The following OR5K4 variants were observed in gnomAD, a reference collection of about 807,000 sequenced individuals.
OR5K4 encodes olfactory receptor 5K4.
OR5K4 carries 16 observed loss-of-function variants against 11.8 expected under a neutral mutation model. The observed-to-expected ratio is 1.36, with a 90% confidence interval of 0.92 to 2.06. The LOEUF (loss-of-function observed/expected upper bound fraction) is 2.06. Among genes scored for constraint, OR5K4 ranks in the 30% most tolerant of loss-of-function variants. The pLI, the probability that OR5K4 is intolerant of heterozygous loss-of-function variation, is 0.00. For missense variants in OR5K4, 442 were observed against 386.9 expected (o/e 1.14, Z -1.19); for synonymous variants, 152 against 135.1 (o/e 1.12, Z -0.87).
At position 98,354,531 on chromosome 3, in the gene OR5K4, C is replaced by A. The variant is rs1707037345; in HGVS notation, c.678C>A (p.Phe226Leu). The change falls in exon 1 of 1, where the codon TTC (phenylalanine) becomes TTA (leucine). Residue 226 changes from phenylalanine to leucine, a missense_variant. Phe to Leu is a conservative substitution (Grantham distance 22). Transcript: ENST00000354924. ...ATCTCTGCATCCTTTTGACTGTTTT[C>A]AAAATGAAATCCAAGGAGGGAAGAG... ...ISYLCILLTV[F>L]KMKSKEGRGK... The A allele has an allele frequency of 5.0e-6, 8 of 1,613,838 alleles. No homozygotes were observed. Among genetic ancestry groups the A allele is most frequent in the Non-Finnish European group, 6.8e-6 (8 of 1,179,816 alleles).
chr3:98,354,014 G>A lies in OR5K4; in HGVS notation c.161G>A (p.Arg54His), dbSNP rs201188789. 1.8e-5 allele frequency: 29 copies of A among 1,613,996 alleles called. No homozygotes were observed. Among genetic ancestry groups the A allele is most frequent in the South Asian group, 4.4e-5 (4 of 91,074 alleles). ...GLVALIYVER[R>H]LLTPMYIFLG... Reference sequence around the variant, plus strand: ...GTGGCATTAATTTATGTAGAGCGTCGTCTTCTCACACCAATGTACATCTTT... The same window carrying A: ...GTGGCATTAATTTATGTAGAGCGTCATCTTCTCACACCAATGTACATCTTT... The change falls in exon 1 of 1, where the codon CGT becomes CAT. Residue 54 changes from arginine to histidine, a missense_variant. Physicochemically the swap from Arg to His is conservative, Grantham distance 29. Coordinates refer to ENST00000354924, the MANE Select transcript of OR5K4 (RefSeq NM_001005517.1).
rs768754634 is a variant in OR5K4 at position 98,354,642 on chromosome 3, A to G, written c.789A>G (p.Glu263=). ...TTCTCATGTATATTGGACCATCTGA[A>G]GAAGGAGATAAAGATACACCAGTGG... ...ICLLMYIGPS[E]EGDKDTPVAI... The change falls in exon 1 of 1, where the codon GAA becomes GAG. Residue 263 remains glutamate, a synonymous_variant. Transcript: ENST00000354924. 16 of 1,612,184 alleles carry G rather than the reference A, an allele frequency of 9.9e-6. No homozygotes were observed. The highest frequency in any genetic ancestry group is 1.3e-5 in the African/African-American group (1 of 74,888).
rs1024135691 is a variant in OR5K4, at chr3:98,354,218, G to T, written c.365G>T (p.Arg122Leu). ...CFLLATMAYDRYVAICHPLQY... is the reference protein window; with the variant it reads ...CFLLATMAYDLYVAICHPLQY... ...CTTCTGGCGACAATGGCCTATGACC[G>T]CTATGTGGCCATATGCCACCCACTG... Residue 122 changes from arginine (R) to leucine (L), a missense_variant, in exon 1 of 1, where the codon CGC becomes CTC. Physicochemically the swap from Arg to Leu is moderately radical, Grantham distance 102 (BLOSUM62 -2). Transcript: ENST00000354924. The T allele has an allele frequency of 6.2e-7, 1 of 1,614,162 alleles. No homozygotes were observed. Among genetic ancestry groups the T allele is most frequent in the Non-Finnish European group, 8.5e-7 (1 of 1,180,028 alleles).
chr3:98,354,683 T>C lies in OR5K4; in HGVS notation c.830T>C (p.Ile277Thr), dbSNP rs200402638. ...ACACCAGTGGCAATATTTTATGCAATAGTAATCCCATTACTAAACCCTTTT... is the reference window on the plus strand; with the variant it reads ...ACACCAGTGGCAATATTTTATGCAACAGTAATCCCATTACTAAACCCTTTT... ...KDTPVAIFYA[I>T]VIPLLNPFIY... is the part of the protein sequence containing the mutation. The change falls in exon 1 of 1, where the codon ATA (isoleucine) becomes ACA (threonine). Residue 277 changes from isoleucine (I) to threonine (T), a missense_variant. Transcript: ENST00000354924. The C allele has an allele frequency of 3.4e-4, 551 of 1,608,372 alleles. 5 individuals carry two copies. Among genetic ancestry groups the C allele is most frequent in the Non-Finnish European group, 1.5e-4 (178 of 1,175,190 alleles).
At position 98,354,173 on chromosome 3, in the gene OR5K4, C is replaced by G; in HGVS notation, c.320C>G (p.Ala107Gly). Residue 107 changes from alanine to glycine, a missense_variant, in exon 1 of 1, where the codon GCT becomes GGT. Coordinates refer to ENST00000354924, the MANE Select transcript of OR5K4 (RefSeq NM_001005517.1). ...GCACAATTTTATTTTCTCTGTCTTGCTGAAACCACAGACTGCTTTCTTCTG... is the reference window on the plus strand; with the variant it reads ...GCACAATTTTATTTTCTCTGTCTTGGTGAAACCACAGACTGCTTTCTTCTG... Reference protein sequence around the residue: ...CMAQFYFLCLAETTDCFLLAT... With the variant: ...CMAQFYFLCLGETTDCFLLAT... The G allele has an allele frequency of 6.2e-7, 1 of 1,614,226 alleles. No homozygotes were observed. The highest frequency in any genetic ancestry group is 8.5e-7 in the Non-Finnish European group (1 of 1,180,040).
Position 98,353,946 on chromosome 3 carries a change from C to T in OR5K4, c.93C>T (p.Phe31=), listed in dbSNP as rs1212274484. The part of the protein sequence containing the change: ...PELKTLLFVV[F]SAIYLVTMVG... ...TGAAGACGCTTCTGTTTGTGGTGTT[C>T]TCTGCCATCTATCTGGTCACCATGG... Residue 31 remains phenylalanine (F), a synonymous_variant, in exon 1 of 1, where the codon TTC becomes TTT. Transcript: ENST00000354924. 6.2e-7 allele frequency: 1 copy of T among 1,614,008 alleles called. No homozygotes were observed. The highest frequency in any genetic ancestry group is 1.3e-5 in the African/African-American group (1 of 74,902).
chr3:98,354,225 G>T lies in OR5K4; in HGVS notation c.372G>T (p.Val124=), dbSNP rs1351918720. Reference sequence around the variant, plus strand: ...CGACAATGGCCTATGACCGCTATGTGGCCATATGCCACCCACTGCAGTACC... The same window carrying T: ...CGACAATGGCCTATGACCGCTATGTTGCCATATGCCACCCACTGCAGTACC... ...LLATMAYDRY[V]AICHPLQYHT... Residue 124 remains valine (V), a synonymous_variant, in exon 1 of 1, where the codon GTG becomes GTT. Transcript: ENST00000354924. The T allele has an allele frequency of 6.2e-7, 1 of 1,614,160 alleles. No homozygotes were observed. Among genetic ancestry groups the T allele is most frequent in the South Asian group, 1.1e-5 (1 of 91,072 alleles).
chr3:98,354,337 C>T lies in OR5K4; in HGVS notation c.484C>T (p.Leu162Phe). The T allele has an allele frequency of 6.2e-7, 1 of 1,614,134 alleles. No individual in the cohort carries two copies. Among genetic ancestry groups the T allele is most frequent in the Non-Finnish European group, 8.5e-7 (1 of 1,180,022 alleles). The change falls in exon 1 of 1, where the codon CTT becomes TTT. Residue 162 changes from leucine (L) to phenylalanine (F), a missense_variant. Leu to Phe is a conservative substitution (Grantham distance 22). Coordinates refer to ENST00000354924, the MANE Select transcript of OR5K4 (RefSeq NM_001005517.1). ...CCTGCATTCCATGATTCATGTAGGG[C>T]TTTTATTAAGGTTAACTTTCTGCAG... The part of the protein sequence containing the change: ...GNLHSMIHVG[L>F]LLRLTFCRSN...
rs751301269 is a variant in OR5K4 at position 98,353,906 on chromosome 3, C to G, written c.53C>G (p.Thr18Arg). ...GCTGAATTCATCCTCATAGGATTTA[C>G]AAATTATCCAGAGCTGAAGACGCTT... ...LAAEFILIGFTNYPELKTLLF... is the reference protein window; with the variant it reads ...LAAEFILIGFRNYPELKTLLF... The change falls in exon 1 of 1, where the codon ACA (threonine) becomes AGA (arginine). Residue 18 changes from threonine (T) to arginine (R), a missense_variant. Transcript: ENST00000354924. The G allele has an allele frequency of 1.2e-6, 2 of 1,613,686 alleles. No individual in the cohort carries two copies. Among genetic ancestry groups the G allele is most frequent in the Non-Finnish European group, 1.7e-6 (2 of 1,179,886 alleles).
chr3:98,354,035 T>A lies in OR5K4; in HGVS notation c.182T>A (p.Ile61Asn). 1.2e-6 allele frequency: 2 copies of A among 1,614,058 alleles called. No homozygotes were observed. Among genetic ancestry groups the A allele is most frequent in the Non-Finnish European group, 1.7e-6 (2 of 1,179,968 alleles). Residue 61 changes from isoleucine to asparagine, a missense_variant, in exon 1 of 1, where the codon ATC becomes AAC. By Grantham distance (149) the Ile-to-Asn change is moderately radical. Coordinates refer to ENST00000354924, the MANE Select transcript of OR5K4 (RefSeq NM_001005517.1). ...CGTCGTCTTCTCACACCAATGTACATCTTTCTGGGCAACCTGGCTCTGATG... is the reference window on the plus strand; with the variant it reads ...CGTCGTCTTCTCACACCAATGTACAACTTTCTGGGCAACCTGGCTCTGATG... ...VERRLLTPMY[I>N]FLGNLALMDS...
In OR5K4 at chr3:98,353,928, G is replaced by A. The variant is rs141249364; in HGVS notation, c.75G>A (p.Thr25=). The part of the protein sequence containing the change: ...IGFTNYPELK[T]LLFVVFSAIY... ...TTACAAATTATCCAGAGCTGAAGAC[G>A]CTTCTGTTTGTGGTGTTCTCTGCCA... The change falls in exon 1 of 1, where the codon ACG becomes ACA. Residue 25 remains threonine, a synonymous_variant. Coordinates refer to ENST00000354924, the MANE Select transcript of OR5K4 (RefSeq NM_001005517.1). 8.7e-6 allele frequency: 14 copies of A among 1,614,102 alleles called. No individual in the cohort carries two copies. The highest frequency in any genetic ancestry group is 1.3e-5 in the African/African-American group (1 of 75,042).
In OR5K4 at chr3:98,354,663, A is replaced by G; in HGVS notation, c.810A>G (p.Pro270=). The change falls in exon 1 of 1, where the codon CCA becomes CCG. Residue 270 remains proline (P), a synonymous_variant. Coordinates refer to ENST00000354924, the MANE Select transcript of OR5K4 (RefSeq NM_001005517.1). ...CTGAAGAAGGAGATAAAGATACACC[A>G]GTGGCAATATTTTATGCAATAGTAA... is the stretch of plus-strand genomic sequence containing the variant. ...GPSEEGDKDT[P]VAIFYAIVIP... 1 of 1,610,804 alleles carries G rather than the reference A, an allele frequency of 6.2e-7. No individual in the cohort carries two copies.
Position 98,353,904 on chromosome 3 carries a change from T to A in OR5K4, c.51T>A (p.Phe17Leu), listed in dbSNP as rs762869690. The A allele has an allele frequency of 4.3e-6, 7 of 1,613,938 alleles. No individual in the cohort carries two copies. The South Asian group carries it at 7.7e-5, about 18-fold the overall frequency. Residue 17 changes from phenylalanine to leucine, a missense_variant, in exon 1 of 1, where the codon TTT becomes TTA. Phe to Leu is a conservative substitution (Grantham distance 22). Transcript: ENST00000354924. The stretch of plus-strand genomic sequence containing the variant: ...CAGCTGAATTCATCCTCATAGGATT[T>A]ACAAATTATCCAGAGCTGAAGACGC... ...SLAAEFILIGFTNYPELKTLL... is the reference protein window; with the variant it reads ...SLAAEFILIGLTNYPELKTLL...
Position 98,354,305 on chromosome 3 carries a change from C to G in OR5K4, c.452C>G (p.Ala151Gly). 6.2e-7 allele frequency: 1 copy of G among 1,614,186 alleles called. No individual in the cohort carries two copies. The highest frequency in any genetic ancestry group is 8.5e-7 in the Non-Finnish European group (1 of 1,180,036). The change falls in exon 1 of 1, where the codon GCT becomes GGT. Residue 151 changes from alanine to glycine, a missense_variant. Coordinates refer to ENST00000354924, the MANE Select transcript of OR5K4 (RefSeq NM_001005517.1). ...CIRMTTGAFK[A>G]GNLHSMIHVG... is the part of the protein sequence containing the mutation. ...CGGATGACCACAGGGGCCTTCAAAGCTGGAAACCTGCATTCCATGATTCAT... is the reference window on the plus strand; with the variant it reads ...CGGATGACCACAGGGGCCTTCAAAGGTGGAAACCTGCATTCCATGATTCAT...
In OR5K4 at chr3:98,354,671, T is replaced by C; in HGVS notation, c.818T>C (p.Ile273Thr). 1 of 1,609,860 alleles carries C rather than the reference T, an allele frequency of 6.2e-7. No homozygotes were observed. The highest frequency in any genetic ancestry group is 8.5e-7 in the Non-Finnish European group (1 of 1,176,412). Residue 273 changes from isoleucine to threonine, a missense_variant, in exon 1 of 1, where the codon ATA becomes ACA. Physicochemically the swap from Ile to Thr is moderately conservative, Grantham distance 89. Coordinates refer to ENST00000354924, the MANE Select transcript of OR5K4 (RefSeq NM_001005517.1). ...GGAGATAAAGATACACCAGTGGCAA[T>C]ATTTTATGCAATAGTAATCCCATTA... ...EEGDKDTPVA[I>T]FYAIVIPLLN...
In OR5K4 at chr3:98,353,965, A is replaced by C; in HGVS notation, c.112A>C (p.Thr38Pro). The C allele has an allele frequency of 5.0e-6, 8 of 1,614,166 alleles. No individual in the cohort carries two copies. Among genetic ancestry groups the C allele is most frequent in the Non-Finnish European group, 6.8e-6 (8 of 1,180,026 alleles). The stretch of plus-strand genomic sequence containing the variant: ...GGTGTTCTCTGCCATCTATCTGGTC[A>C]CCATGGTGGGGAATCTTGGTCTGGT... ...FVVFSAIYLV[T>P]MVGNLGLVAL... The change falls in exon 1 of 1, where the codon ACC (threonine) becomes CCC (proline). Residue 38 changes from threonine to proline, a missense_variant. Physicochemically the swap from Thr to Pro is conservative, Grantham distance 38. Coordinates refer to ENST00000354924, the MANE Select transcript of OR5K4 (RefSeq NM_001005517.1).
Position 98,354,308 on chromosome 3 carries a change from GAAA to G in OR5K4, c.456_458del (p.Asn153del). The G allele has an allele frequency of 6.2e-7, 1 of 1,614,180 alleles. No homozygotes were observed. Among genetic ancestry groups the G allele is most frequent in the Non-Finnish European group, 8.5e-7 (1 of 1,180,032 alleles). ...ATGACCACAGGGGCCTTCAAAGCTG[GAAA>G]CCTGCATTCCATGATTCATGTAGGG... On this transcript the variant is annotated inframe_deletion, in exon 1 of 1. Coordinates refer to ENST00000354924, the MANE Select transcript of OR5K4 (RefSeq NM_001005517.1).
At position 98,354,223 on chromosome 3, in the gene OR5K4, G is replaced by A. The variant is rs759161767; in HGVS notation, c.370G>A (p.Val124Met). Residue 124 changes from valine to methionine, a missense_variant, in exon 1 of 1, where the codon GTG becomes ATG. Physicochemically the swap from Val to Met is conservative, Grantham distance 21. Coordinates refer to ENST00000354924, the MANE Select transcript of OR5K4 (RefSeq NM_001005517.1). Reference protein sequence around the residue: ...LLATMAYDRYVAICHPLQYHT... With the variant: ...LLATMAYDRYMAICHPLQYHT... ...GGCGACAATGGCCTATGACCGCTATGTGGCCATATGCCACCCACTGCAGTA... is the reference window on the plus strand; with the variant it reads ...GGCGACAATGGCCTATGACCGCTATATGGCCATATGCCACCCACTGCAGTA... 2.5e-6 allele frequency: 4 copies of A among 1,614,086 alleles called. No individual in the cohort carries two copies. The highest frequency in any genetic ancestry group is 3.4e-6 in the Non-Finnish European group (4 of 1,180,046).
chr3:98,354,501 C>A lies in OR5K4; in HGVS notation c.648C>A (p.Ile216=), dbSNP rs754611270. 6.2e-7 allele frequency: 1 copy of A among 1,612,626 alleles called. No homozygotes were observed. The highest frequency in any genetic ancestry group is 1.7e-5 in the Admixed American group (1 of 60,018). Residue 216 remains isoleucine, a synonymous_variant, in exon 1 of 1, where the codon ATC becomes ATA. Coordinates refer to ENST00000354924, the MANE Select transcript of OR5K4 (RefSeq NM_001005517.1). ...IQIFTIATVL[I]SYLCILLTVF... is the part of the protein sequence containing the mutation. ...TCTTTACCATTGCTACTGTCTTGAT[C>A]TCTTATCTCTGCATCCTTTTGACTG...
Sources: allele counts gnomAD v4.1 joint callset, GRCh38; gene constraint gnomAD v4.1.1; transcripts MANE v1.5; gene names NCBI Gene and HGNC (gene_info 2026-07-23, HGNC 2026-07-21).